The following NUMA1 variants were observed in gnomAD, a reference collection of about 807,000 sequenced individuals.
The protein encoded by NUMA1 is nuclear mitotic apparatus protein 1.
In NUMA1, 62 loss-of-function variants were observed where a neutral mutation model predicts 237.1. The ratio of observed to expected loss-of-function variants is 0.26; its 90% confidence interval spans 0.21 to 0.32. The LOEUF is 0.32. Among genes scored for constraint, NUMA1 ranks in the 10% least tolerant of loss-of-function variants. NUMA1 has a pLI of 1.00. For synonymous variants in NUMA1, 1,028 were observed against 1,066.1 expected (o/e 0.96, Z 0.70); for missense variants, 2,533 against 2,666.5 (o/e 0.95, Z 1.10).
At chr11:72,018,722 GCT>G in intron 10 of NUMA1, 99 bp downstream of exon 10, 1 of 1,412,360 alleles carries the variant, frequency 7.1e-7, no homozygotes, top group Non-Finnish European at 9.6e-7. Context: ...CCAGGGCTGA[GCT>G]CTCAGCTCCA....
Position 72,024,257 on chromosome 11 carries a change from A to G in NUMA1, c.208+17T>C, listed in dbSNP as rs1939276180. ...GAGGAAGCAGCTTCTTCATAGCTGG[A>G]TAAGAAAGGTGCTTACTCTGCAGAA... On this transcript the variant is annotated intron_variant, in intron 5 of 26. Transcript: ENST00000393695. 2 of 1,612,708 alleles carry G rather than the reference A, an allele frequency of 1.2e-6. No homozygotes were observed. The highest frequency in any genetic ancestry group is 2.2e-5 in the East Asian group (1 of 44,878).
At chr11:72,018,044 G>C in intron 12 of NUMA1, 139 bp downstream of exon 12, 1 of 917,320 alleles carries the variant, frequency 1.1e-6, no homozygotes, top group South Asian at 1.5e-5. Flanking sequence ...GATAAGGAAA[G>C]GGGCAAAATA....
Position 72,003,987 on chromosome 11 carries a change from T to A in NUMA1, c.6236A>T (p.Asn2079Ile). 1.2e-6 allele frequency: 2 copies of A among 1,612,982 alleles called. No individual in the cohort carries two copies. The highest frequency in any genetic ancestry group is 1.7e-6 in the Non-Finnish European group (2 of 1,179,554). The change falls in exon 26 of 27, where the codon AAC (asparagine) becomes ATC (isoleucine). Residue 2079 changes from asparagine to isoleucine, a missense_variant. By Grantham distance (149) the Asn-to-Ile change is moderately radical. Coordinates refer to ENST00000393695, the MANE Select transcript of NUMA1 (RefSeq NM_006185.4). ...SKKALSKASP[N>I]TRSGTRRSPR... ...AGAACGGCGGGTTCCACTGCGAGTG[T>A]TGGGGGAAGCCTTGGACAGGGCCTT...
intron 1 of NUMA1, among the ~76,000 whole-genome samples, chr11:72,075,914 G>A (rs1194484632): frequency 6.6e-6 from 1 of 152,212 alleles, no homozygotes; most frequent in East Asian, 1.9e-4. Context: ...CATAGGTTCA[G>A]AAGACAGATC....
chr11:72,018,851 A>G lies in NUMA1; in HGVS notation c.714T>C (p.Ala238=), dbSNP rs1490728289. 4 of 1,612,658 alleles carry G rather than the reference A, an allele frequency of 2.5e-6. No individual in the cohort carries two copies. The highest frequency in any genetic ancestry group is 2.5e-6 in the Non-Finnish European group (3 of 1,179,980). Residue 238 remains alanine (A), a synonymous_variant, in exon 10 of 27, where the codon GCT becomes GCC. Coordinates refer to ENST00000393695, the MANE Select transcript of NUMA1 (RefSeq NM_006185.4). ...TCTCGGTGAGGAGCTTGCGGTTCTC[A>G]GCTAGCTCCAGCTCCAGCTCATCCC... ...SNRDELELEL[A]ENRKLLTEKD...
At chr11:72,025,988 C>G (rs1449347122) in intron 4 of NUMA1, among the ~76,000 whole-genome samples, 1 of 152,176 alleles carries the variant, frequency 6.6e-6, no homozygotes, top group Non-Finnish European at 1.5e-5. Flanking sequence ...AAAAGAGGTT[C>G]TCAGGTGAAA....
chr11:72,037,302 G>A (rs1009125584), intron 2 of NUMA1, among the ~76,000 whole-genome samples: 5 of 152,152 alleles, frequency 3.3e-5, no homozygotes, highest in Admixed American at 6.5e-5. Context: ...TCAGGAGATC[G>A]AGACCATCCT....
chr11:72,004,967 G>A (rs1379730157), intron 23 of NUMA1, 151 bp from the exon 24 acceptor site: 8 of 867,540 alleles, frequency 9.2e-6, no homozygotes, highest in Non-Finnish European at 1.4e-5. Flanking sequence ...CTCCTTTCCT[G>A]TTCTGCTTTC....
At chr11:72,051,777 A>T (rs191452816) in intron 2 of NUMA1, among the ~76,000 whole-genome samples, 1 of 152,228 alleles carries the variant, frequency 6.6e-6, no homozygotes, top group Admixed American at 6.5e-5. Context: ...GCCCAAGGGT[A>T]AATCTTTAAA....
intron 24 of NUMA1, 138 bp from the exon 25 acceptor site, chr11:72,004,479 C>A: frequency 8.3e-7 from 1 of 1,206,986 alleles, no homozygotes; most frequent in Non-Finnish European, 1.2e-6. Context: ...GGGCCAGATC[C>A]TTCCCTTCCC....
chr11:72,024,636 C>A (rs960895758), intron 4 of NUMA1: 2 of 444,750 alleles, frequency 4.5e-6, no homozygotes, highest in South Asian at 2.3e-5. Context: ...TGGAAAGGGG[C>A]CGAGAGGAGA....
intron 12 of NUMA1, 89 bp from the exon 13 acceptor site, chr11:72,017,916 G>T: frequency 6.9e-7 from 1 of 1,439,060 alleles, no homozygotes; most frequent in Non-Finnish European, 9.5e-7. Flanking sequence ...GGGGCTGGAT[G>T]CCTCCAATTA....
In NUMA1 at chr11:72,063,107, G is replaced by A. The variant is rs1485055728; in HGVS notation, c.-33+6735C>T. 2.6e-5 allele frequency among the ~76,000 whole-genome samples: 4 copies of A among 152,188 alleles called. No individual in the cohort carries two copies. The East Asian group carries it at 7.7e-4, about 29-fold the overall frequency. On this transcript the variant is annotated intron_variant, in intron 2 of 26. Coordinates refer to ENST00000393695, the MANE Select transcript of NUMA1 (RefSeq NM_006185.4). ...CAAAACCTTGATATTTGGGCCAGGT[G>A]TGGTGGTGGCACATGCCCAAAATCC...
chr11:72,014,626 C>T lies in NUMA1; in HGVS notation c.2877G>A (p.Gln959=). The change falls in exon 15 of 27, where the codon CAG becomes CAA. Residue 959 remains glutamine, a synonymous_variant. Transcript: ENST00000393695. This position sits in a 1 kb window ranked among gnomAD's most constrained non-coding sequence, Gnocchi z 4.6. ...PEWLEEQQGR[Q]FCSTQAALQA... The stretch of plus-strand genomic sequence containing the variant: ...GCAGCGCTGCCTGTGTGCTGCAGAA[C>T]TGGCGTCCCTGTTGCTCTTCCAGCC... The T allele has an allele frequency of 6.2e-7, 1 of 1,609,884 alleles. No homozygotes were observed. The highest frequency in any genetic ancestry group is 8.5e-7 in the Non-Finnish European group (1 of 1,180,028).
At chr11:72,007,763 G>A (rs1249638331) in intron 20 of NUMA1, 1 of 399,184 alleles carries the variant, frequency 2.5e-6, no homozygotes, top group Non-Finnish European at 4.6e-6. Flanking sequence ...TCCCATTTCA[G>A]TGAATAGGAA....
rs1336111069 is a variant in NUMA1, at chr11:72,010,940, A to G, written c.4651-86T>C. On this transcript the variant is annotated intron_variant, in intron 16 of 26. Transcript: ENST00000393695. ...ATGTCCACCCATCATGGGGTTTCCC[A>G]GACCAGGATCCCCAGTGTTCCTAGA... The G allele has an allele frequency of 5.3e-5, 63 of 1,180,192 alleles. 1 individual carries two copies. Among genetic ancestry groups the G allele is most frequent in the Non-Finnish European group, 5.1e-6 (4 of 790,368 alleles). 73.1% of individuals were successfully genotyped at this position (1,180,192 alleles called of 1,614,324 possible).
chr11:72,015,380 T>C lies in NUMA1; in HGVS notation c.2123A>G (p.Lys708Arg), dbSNP rs1956454131. 6.2e-6 allele frequency: 10 copies of C among 1,612,354 alleles called. No individual in the cohort carries two copies. The highest frequency in any genetic ancestry group is 1.3e-5 in the African/African-American group (1 of 74,946). ...GCCCTTGGTGACCTTCAAGGACTCT[T>C]TGAGGGCCTGGAGCTGCTCCTGGAG... ...DQLQEQLQAL[K>R]ESLKVTKGSL... The change falls in exon 15 of 27, where the codon AAA (lysine) becomes AGA (arginine). Residue 708 changes from lysine to arginine, a missense_variant. Coordinates refer to ENST00000393695, the MANE Select transcript of NUMA1 (RefSeq NM_006185.4). The surrounding 1 kb of genome is among the most constrained non-coding windows in gnomAD (Gnocchi z 4.0).
intron 4 of NUMA1, 135 bp downstream of exon 4, chr11:72,029,070 C>G (rs1286792027): frequency 6.6e-6 from 4 of 602,998 alleles, no homozygotes; most frequent in Non-Finnish European, 1.2e-5. Flanking sequence ...TTAGGCCCCA[C>G]CCTGGCTTAT....
In NUMA1 at chr11:72,003,972, G is replaced by A. The variant is rs1955469635; in HGVS notation, c.6251C>T (p.Thr2084Ile). 1.9e-6 allele frequency: 3 copies of A among 1,613,304 alleles called. No individual in the cohort carries two copies. Among genetic ancestry groups the A allele is most frequent in the Non-Finnish European group, 2.5e-6 (3 of 1,179,636 alleles). Residue 2084 changes from threonine to isoleucine, a missense_variant, in exon 26 of 27, where the codon ACC (threonine) becomes ATC (isoleucine). Thr to Ile is a moderately conservative substitution (Grantham distance 89). Around this residue, in one of 3 missense-constraint regions of NUMA1, gnomAD observed 795 missense variants for 750.8 expected, o/e 1.06. Coordinates refer to ENST00000393695, the MANE Select transcript of NUMA1 (RefSeq NM_006185.4). ...GGTGGCAATGCGCGGAGAACGGCGG[G>A]TTCCACTGCGAGTGTTGGGGGAAGC... ...SKASPNTRSG[T>I]RRSPRIATTT...
Sources: gnomAD v4.1 joint callset for allele counts (sites outside exome capture counted in the v4.1 genomes callset) on GRCh38, gnomAD v4.1.1 for gene constraint, gnomAD v4.1.1 regional missense constraint, Gnocchi (gnomAD v3.1) non-coding constraint, MANE v1.5 for transcripts, NCBI Gene and HGNC (gene_info 2026-07-23, HGNC 2026-07-21) for gene names.